The following HTT-AS variants were observed in gnomAD, a reference collection of about 807,000 sequenced individuals.
The protein encoded by HTT-AS is HTT antisense RNA, also known as HTT antisense RNA (head to head).
chr4:3,048,483 G>A (rs1049834639), downstream of HTT-AS, among the ~76,000 whole-genome samples: 1 of 152,146 alleles, frequency 6.6e-6, no homozygotes, highest in African/African-American at 2.4e-5. Context: ...CCAAGAGTTT[G>A]CAGTATGCTC....
At chr4:3,046,968 G>A (rs1415427492), downstream of HTT-AS, among the ~76,000 whole-genome samples, 4 of 152,268 alleles carry the variant, frequency 2.6e-5, no homozygotes, top group East Asian at 5.8e-4. Context: ...GCAAGACCCC[G>A]AGGGCACAAG....
At chr4:3,063,443 G>C (rs1711982549) in exon 2 of HTT-AS, 1 of 152,334 alleles carries the variant, frequency 6.6e-6, no homozygotes, top group African/African-American at 2.4e-5. Context: ...GTCAGTGGCA[G>C]AGCCAGCCTT....
chr4:3,049,200 G>A (rs1482815934), exon 3 of HTT-AS, among the ~76,000 whole-genome samples: 2 of 152,134 alleles, frequency 1.3e-5, no homozygotes, highest in Non-Finnish European at 2.9e-5. Flanking sequence ...GAGGTGGGCG[G>A]ATCACCTGAG....
At chr4:3,047,931 C>T (rs929620242), downstream of HTT-AS, among the ~76,000 whole-genome samples, 5 of 152,322 alleles carry the variant, frequency 3.3e-5, no homozygotes, top group African/African-American at 7.2e-5. Context: ...CTCTCCGCCT[C>T]GGCTACCAAA....
chr4:3,057,438 A>C (rs28856696), intron 2 of HTT-AS, among the ~76,000 whole-genome samples: 8,775 of 152,140 alleles, frequency 0.058, 374 homozygotes, highest in African/African-American at 0.12. Flanking sequence ...TCCATTGTAC[A>C]TATGTTACTG....
downstream of HTT-AS, among the ~76,000 whole-genome samples, chr4:3,047,902 C>T (rs1193924874): frequency 1.3e-5 from 2 of 152,330 alleles, no homozygotes; most frequent in African/African-American, 2.4e-5. Flanking sequence ...GAAATAATGA[C>T]GTAGGCTGTC....
At chr4:3,048,883 A>G (rs1426579271), downstream of HTT-AS, among the ~76,000 whole-genome samples, 1 of 152,196 alleles carries the variant, frequency 6.6e-6, no homozygotes, top group East Asian at 1.9e-4. Context: ...TTTAACCCAT[A>G]GTGTGGGTTA....
At chr4:3,058,377 T>C (rs1460021490) in intron 2 of HTT-AS, among the ~76,000 whole-genome samples, 1 of 152,170 alleles carries the variant, frequency 6.6e-6, no homozygotes, top group East Asian at 1.9e-4. Flanking sequence ...TATGTTGCCA[T>C]GGCATCAGTA....
exon 2 of HTT-AS, among the ~76,000 whole-genome samples, chr4:3,062,672 C>T (rs1392485417): frequency 6.6e-6 from 1 of 151,888 alleles, no homozygotes; most frequent in East Asian, 1.9e-4. Flanking sequence ...TGTTGTTCAT[C>T]ACCACTGTGC....
At chr4:3,049,791 G>A (rs867903003) in intron 2 of HTT-AS, among the ~76,000 whole-genome samples, 2 of 151,970 alleles carry the variant, frequency 1.3e-5, no homozygotes, top group Non-Finnish European at 2.9e-5. Flanking sequence ...CTTAACATGC[G>A]AGAGCTTTTA....
chr4:3,051,081 T>TGTGTGTGTGTGTG (rs1578464010), intron 2 of HTT-AS, among the ~76,000 whole-genome samples: 3 of 147,118 alleles, frequency 2.0e-5, no homozygotes, highest in African/African-American at 7.7e-5. Flanking sequence ...TGTGTGTGTG[T>TGTGTGTGTGTGTG]TTTAGATGGA....
At chr4:3,059,280 G>A (rs1711879299) in intron 2 of HTT-AS, among the ~76,000 whole-genome samples, 1 of 152,150 alleles carries the variant, frequency 6.6e-6, no homozygotes, top group African/African-American at 2.4e-5. Context: ...CCTCACTTCT[G>A]CTTTCTGTGG....
intron 2 of HTT-AS, among the ~76,000 whole-genome samples, chr4:3,059,057 C>T (rs867381614): frequency 2.6e-5 from 4 of 152,126 alleles, no homozygotes; most frequent in Non-Finnish European, 5.9e-5. Flanking sequence ...AAAACTGGCC[C>T]GAGAAAGCTT....
At chr4:3,047,346 A>G (rs1711612516), downstream of HTT-AS, among the ~76,000 whole-genome samples, 1 of 152,182 alleles carries the variant, frequency 6.6e-6, no homozygotes, top group Non-Finnish European at 1.5e-5. Context: ...AAACAAAACA[A>G]AAAGAATAGT....
chr4:3,060,547 A>C (rs548578202), intron 2 of HTT-AS, among the ~76,000 whole-genome samples: 1 of 152,334 alleles, frequency 6.6e-6, no homozygotes, highest in Admixed American at 6.5e-5. Context: ...GCAGATACTG[A>C]GGGTAAGAAA....
chr4:3,053,458 A>T (rs1711750170), intron 2 of HTT-AS, among the ~76,000 whole-genome samples: 3 of 152,212 alleles, frequency 2.0e-5, no homozygotes, highest in African/African-American at 7.2e-5. Context: ...ACTTGAACTC[A>T]GGAGGTGGAG....
downstream of HTT-AS, among the ~76,000 whole-genome samples, chr4:3,047,911 T>C (rs946117992): frequency 6.6e-6 from 1 of 152,076 alleles, no homozygotes. Flanking sequence ...ACGTAGGCTG[T>C]CTCCTCTCTC....
intron 2 of HTT-AS, among the ~76,000 whole-genome samples, chr4:3,059,623 T>C (rs866465771): frequency 2.6e-5 from 4 of 152,152 alleles, no homozygotes; most frequent in African/African-American, 9.7e-5. Context: ...AGAGTCTCGC[T>C]CCGTCACCCA....
intron 1 of HTT-AS, among the ~76,000 whole-genome samples, chr4:3,073,067 C>T (rs1056518703): frequency 6.6e-6 from 1 of 152,232 alleles, no homozygotes; most frequent in Admixed American, 6.5e-5. Context: ...TGGGAACTAA[C>T]AGCTGTTTCT....
Sources: allele counts gnomAD v4.1 joint callset (sites outside exome capture counted in the v4.1 genomes callset), GRCh38; gene constraint gnomAD v4.1.1; transcripts MANE v1.5; gene names NCBI Gene and HGNC (gene_info 2026-07-23, HGNC 2026-07-21).